The following NOD1 variants were observed in gnomAD, a reference collection of about 807,000 sequenced individuals.
The protein encoded by NOD1 is nucleotide-binding oligomerization domain-containing protein 1.
NOD1 carries 70 observed loss-of-function variants against 81.2 expected under a neutral mutation model. The observed-to-expected ratio is 0.86, with a 90% confidence interval of 0.71 to 1.05. The LOEUF (loss-of-function observed/expected upper bound fraction) is 1.05, where lower values mean the gene tolerates loss of function less well. Ranked by LOEUF, NOD1 falls within the 50% of genes least tolerant of loss-of-function variation. NOD1 has a pLI of 0.00. For synonymous variants in NOD1, 508 were observed against 526.9 expected, an observed-to-expected ratio of 0.96 and a Z score of 0.49; for missense variants, 1,233 against 1,228.0, an observed-to-expected ratio of 1.00 and a Z score of -0.06.
At chr7:30,455,999 C>A (rs1162840171) in intron 4 of NOD1, among the ~76,000 whole-genome samples, 2 of 152,196 alleles carry the variant, frequency 1.3e-5, no homozygotes, top group South Asian at 4.1e-4. Flanking sequence ...GGCACCTGGG[C>A]CACACAGTAG....
chr7:30,426,953 T>C (rs1783513367), intron 13 of NOD1, among the ~76,000 whole-genome samples: 1 of 152,242 alleles, frequency 6.6e-6, no homozygotes, highest in Non-Finnish European at 1.5e-5. Flanking sequence ...CCTCTTGGCC[T>C]TCCCCTTTGT....
intron 1 of NOD1, among the ~76,000 whole-genome samples, chr7:30,473,219 T>C (rs1323914395): frequency 6.6e-6 from 1 of 152,112 alleles, no homozygotes; most frequent in Non-Finnish European, 1.5e-5. Flanking sequence ...GACCCAGACC[T>C]CAGGGAAGAT....
intron 11 of NOD1, among the ~76,000 whole-genome samples, chr7:30,435,489 C>T (rs758943887): frequency 2.6e-5 from 4 of 152,110 alleles, no homozygotes; most frequent in Non-Finnish European, 4.4e-5. Flanking sequence ...GCTCCCGGAG[C>T]CCACTTCCTC....
intron 11 of NOD1, among the ~76,000 whole-genome samples, chr7:30,433,726 G>A (rs1784145867): frequency 6.6e-6 from 1 of 152,180 alleles, no homozygotes; most frequent in African/African-American, 2.4e-5. Flanking sequence ...AAGCACCAAA[G>A]CTCCTTGGTG....
chr7:30,452,741 C>T lies in NOD1; in HGVS notation c.676G>A (p.Ala226Thr), dbSNP rs539539641. The change falls in exon 6 of 14, where the codon GCA (alanine) becomes ACA (threonine). Residue 226 changes from alanine (A) to threonine (T), a missense_variant. Coordinates refer to ENST00000222823, the MANE Select transcript of NOD1 (RefSeq NM_006092.4). The part of the protein sequence containing the change: ...QSLWATGRLD[A>T]GVKFFFHFRC... ...AAGTGGAAGAAGAATTTGACCCCTG[C>T]GTCTAGCCGGCCCGTGGCCCAGAGG... The T allele has an allele frequency of 3.2e-4, 521 of 1,613,682 alleles. 5 individuals carry two copies. The South Asian group carries it at 4.9e-3, about 15-fold the overall frequency.
rs557093854 is a variant in NOD1, at chr7:30,432,998, A to G, written c.2705+98T>C. On this transcript the variant is annotated intron_variant, in intron 12 of 13. Coordinates refer to ENST00000222823, the MANE Select transcript of NOD1 (RefSeq NM_006092.4). ...GTTGCACTAAAAACCTCTGAATTGT[A>G]TACTTTAAGAGAGTGAATTTTACAG... 240 of 894,296 alleles carry G rather than the reference A, an allele frequency of 2.7e-4. 2 individuals carry two copies. Among genetic ancestry groups the G allele is most frequent in the African/African-American group, 2.6e-3 (154 of 59,270 alleles). 55.4% of individuals were successfully genotyped at this position (894,296 alleles called of 1,614,324 possible).
Position 30,454,538 on chromosome 7 carries a change from C to T in NOD1, c.376+599G>A, listed in dbSNP as rs141909606. Among the ~76,000 whole-genome samples, 552 of 152,334 alleles carry T rather than the reference C, an allele frequency of 3.6e-3. 3 individuals carry two copies. The highest frequency in any genetic ancestry group is 0.012 in the African/African-American group (514 of 41,590). Reference sequence around the variant, plus strand: ...AATACTTATTGAACTAATCAGTTAACTGATGGGGTCTTCCATTAGTTTGGA... The same window carrying T: ...AATACTTATTGAACTAATCAGTTAATTGATGGGGTCTTCCATTAGTTTGGA... On this transcript the variant is annotated intron_variant, in intron 5 of 13. Transcript: ENST00000222823.
intron 1 of NOD1, among the ~76,000 whole-genome samples, chr7:30,468,033 T>C (rs901487686): frequency 4.6e-5 from 7 of 152,080 alleles, no homozygotes; most frequent in African/African-American, 1.4e-4. Flanking sequence ...TAGAAGGCCA[T>C]CAACTTAGGG....
At chr7:30,471,817 C>A (rs887032250) in intron 1 of NOD1, among the ~76,000 whole-genome samples, 3 of 152,214 alleles carry the variant, frequency 2.0e-5, no homozygotes, top group African/African-American at 7.2e-5. Context: ...TGGACTCCAC[C>A]CTAGTCCATC....
chr7:30,462,622 G>T (rs1787221029), intron 1 of NOD1, among the ~76,000 whole-genome samples: 2 of 152,136 alleles, frequency 1.3e-5, no homozygotes, highest in Admixed American at 6.5e-5. Context: ...GAGTGTCACA[G>T]ATACTACACT....
intron 3 of NOD1, among the ~76,000 whole-genome samples, chr7:30,458,012 C>A (rs909795649): frequency 1.3e-5 from 2 of 151,968 alleles, no homozygotes; most frequent in Non-Finnish European, 2.9e-5. Flanking sequence ...GAGGGAGAGC[C>A]GGCACAGAGT....
chr7:30,437,438 A>G, intron 10 of NOD1, 135 bp downstream of exon 10: 1 of 507,162 alleles, frequency 2.0e-6, no homozygotes, highest in Non-Finnish European at 3.4e-6. Flanking sequence ...CATCAAAGAA[A>G]GGTTTGACAA....
intron 12 of NOD1, among the ~76,000 whole-genome samples, chr7:30,430,529 G>A (rs554742337): frequency 6.6e-6 from 1 of 152,172 alleles, no homozygotes; most frequent in Non-Finnish European, 1.5e-5. Context: ...CCAGGAAGAC[G>A]AGGGCCCTAT....
chr7:30,433,302 A>G (rs1481278736), intron 11 of NOD1, 123 bp from the exon 12 acceptor site: 1 of 700,418 alleles, frequency 1.4e-6, no homozygotes, highest in African/African-American at 1.8e-5. Flanking sequence ...CTTGCTGAGA[A>G]CCCAGAAAAC....
At position 30,425,673 on chromosome 7, in the gene NOD1, C is replaced by T; in HGVS notation, c.2827G>A (p.Val943Ile). The T allele has an allele frequency of 2.5e-6, 4 of 1,613,912 alleles. No homozygotes were observed. Among genetic ancestry groups the T allele is most frequent in the South Asian group, 2.2e-5 (2 of 91,074 alleles). ...ATAATCCGCTTCTCATCTTCATAGA[C>T]TTTGGCCTCCTCTGGTTTTATCAGG... The part of the protein sequence containing the change: ...GNLIKPEEAK[V>I]YEDEKRIICF Residue 943 changes from valine (V) to isoleucine (I), a missense_variant, in exon 14 of 14, where the codon GTC becomes ATC. By Grantham distance (29) the Val-to-Ile change is conservative. Transcript: ENST00000222823.
chr7:30,429,430 C>T lies in NOD1; in HGVS notation c.2733G>A (p.Lys911=). 1.2e-6 allele frequency: 2 copies of T among 1,614,114 alleles called. No homozygotes were observed. Among genetic ancestry groups the T allele is most frequent in the Non-Finnish European group, 1.7e-6 (2 of 1,179,946 alleles). ...LWLIQNQITA[K]GTAQLADALQ... The stretch of plus-strand genomic sequence containing the variant: ...ACGCATCTGCCAGCTGGGCAGTCCC[C>T]TTAGCTGTGATCTGATTCTGGATAA... Residue 911 remains lysine, a synonymous_variant, in exon 13 of 14, where the codon AAG becomes AAA. Coordinates refer to ENST00000222823, the MANE Select transcript of NOD1 (RefSeq NM_006092.4).
intron 11 of NOD1, among the ~76,000 whole-genome samples, chr7:30,435,366 T>C (rs1212999357): frequency 1.3e-5 from 2 of 152,120 alleles, no homozygotes; most frequent in African/African-American, 2.4e-5. Context: ...GCCAAGTGTG[T>C]GGAAGTTGGC....
chr7:30,456,238 G>GT (rs1244343492), intron 4 of NOD1, among the ~76,000 whole-genome samples: 2 of 152,168 alleles, frequency 1.3e-5, no homozygotes, highest in Non-Finnish European at 2.9e-5. Context: ...AACGCAAAGC[G>GT]TAAGTGGAAG....
chr7:30,436,132 A>G (rs774936519), intron 10 of NOD1, 51 bp from the exon 11 acceptor site: 22 of 1,412,214 alleles, frequency 1.6e-5, no homozygotes, highest in South Asian at 6.9e-5. Flanking sequence ...TCTACATTCA[A>G]TCTTAGCTTC....
Sources: allele counts gnomAD v4.1 joint callset (sites outside exome capture counted in the v4.1 genomes callset), GRCh38; gene constraint gnomAD v4.1.1; transcripts MANE v1.5; gene names NCBI Gene and HGNC (gene_info 2026-07-23, HGNC 2026-07-21).